MOAP1: variants seen among roughly 807,000 people sequenced by gnomAD.
MOAP1 encodes the protein modulator of apoptosis 1, also known as MAP1.
For synonymous variants in MOAP1, 150 were observed against 161.0 expected (o/e 0.93, Z 0.52); for missense variants, 385 against 418.6 (o/e 0.92, Z 0.70).
chr14:93,183,131 A>G lies in MOAP1; in HGVS notation c.*56T>C, dbSNP rs1477571363. 2.8e-5 allele frequency: 43 copies of G among 1,531,958 alleles called. No homozygotes were observed. Among genetic ancestry groups the G allele is most frequent in the Middle Eastern group, 4.5e-4 (2 of 4,420 alleles). The allele number at this position is 1,531,958 out of a possible 1,614,324, so 94.9% of individuals were successfully genotyped here. On this transcript the variant is annotated 3_prime_UTR_variant, in exon 3 of 3. Transcript: ENST00000298894. Reference sequence around the variant, plus strand: ...TTGTATGTGTCACAAGAGTATATAGACTGTTCTACCTTCATGCTCTACTCA... The same window carrying G: ...TTGTATGTGTCACAAGAGTATATAGGCTGTTCTACCTTCATGCTCTACTCA...
chr14:93,184,815 G>C lies in MOAP1; in HGVS notation c.-281C>G, dbSNP rs1893999402. 6.6e-6 allele frequency: 1 copy of C among 152,628 alleles called. No individual in the cohort carries two copies. The highest frequency in any genetic ancestry group is 2.4e-5 in the African/African-American group (1 of 41,468). 9.5% of individuals were successfully genotyped at this position (152,628 alleles called of 1,614,324 possible). On this transcript the variant is annotated 5_prime_UTR_variant, in exon 1 of 3. Coordinates refer to ENST00000298894, the MANE Select transcript of MOAP1 (RefSeq NM_022151.5). The surrounding 1 kb of genome is among the most constrained non-coding windows in gnomAD (Gnocchi z 4.2). ...AGACCCAGAGAGCCACCCACCTGGA[G>C]GGACGTGCCGCCACCCGCGCCGCCG... is the stretch of plus-strand genomic sequence containing the variant.
In MOAP1 at chr14:93,182,423, C is replaced by T. The variant is rs1318615366; in HGVS notation, c.*764G>A. The T allele has an allele frequency of 2.6e-5, 4 of 152,680 alleles. No homozygotes were observed. In the South Asian group the frequency reaches 8.3e-4, roughly 32 times the overall value. 9.5% of individuals were successfully genotyped at this position (152,680 alleles called of 1,614,324 possible). ...ATGGAAAATAACTTAATATCTTAAC[C>T]TCCGCTCAGGATCTTCATCATAAAT... On this transcript the variant is annotated 3_prime_UTR_variant, in exon 3 of 3. Coordinates refer to ENST00000298894, the MANE Select transcript of MOAP1 (RefSeq NM_022151.5).
Position 93,184,456 on chromosome 14 carries a change from C to T in MOAP1, c.-120-94G>A, listed in dbSNP as rs868248914. The T allele has an allele frequency of 5.4e-4, 89 of 164,286 alleles. No individual in the cohort carries two copies. In the Middle Eastern group the frequency reaches 0.024, roughly 45 times the overall value. 10.2% of individuals were successfully genotyped at this position (164,286 alleles called of 1,614,324 possible). A position where few individuals can be genotyped will look rare whatever the true frequency, so the allele number is the denominator to read the frequency against. ...CCGCGCGCCCTGCCCCCAGCGGCGA[C>T]GCCAGGGCAGCCGCACTGCGGCGCG... On this transcript the variant is annotated intron_variant, in intron 2 of 2. Coordinates refer to ENST00000298894, the MANE Select transcript of MOAP1 (RefSeq NM_022151.5). The surrounding 1 kb of genome is among the most constrained non-coding windows in gnomAD (Gnocchi z 4.2).
rs1798130853 is a variant in MOAP1, at chr14:93,184,137, C to T, written c.106G>A (p.Glu36Lys). 2.5e-6 allele frequency: 4 copies of T among 1,614,130 alleles called. No homozygotes were observed. The highest frequency in any genetic ancestry group is 3.4e-6 in the Non-Finnish European group (4 of 1,180,016). Reference protein sequence around the residue: ...ISQSCSVAEIEEALQAGLAPL... With the variant: ...ISQSCSVAEIKEALQAGLAPL... ...GCTAAACCAGCCTGCAGAGCCTCCT[C>T]GATTTCTGCCACACTGCAGCTCTGG... The change falls in exon 3 of 3, where the codon GAG becomes AAG. Residue 36 changes from glutamate (E) to lysine (K), a missense_variant. Transcript: ENST00000298894. The surrounding 1 kb of genome is among the most constrained non-coding windows in gnomAD (Gnocchi z 4.2).
chr14:93,182,786 T>A lies in MOAP1; in HGVS notation c.*401A>T, dbSNP rs1194097799. 1 of 172,548 alleles carries A rather than the reference T, an allele frequency of 5.8e-6. No individual in the cohort carries two copies. The highest frequency in any genetic ancestry group is 2.4e-5 in the African/African-American group (1 of 41,980). The allele number at this position is 172,548 out of a possible 1,614,324, so 10.7% of individuals were successfully genotyped here. On this transcript the variant is annotated 3_prime_UTR_variant, in exon 3 of 3. Coordinates refer to ENST00000298894, the MANE Select transcript of MOAP1 (RefSeq NM_022151.5). ...CTCTACTGATAATGCAAAACTTAGCTGGGCGTGGTGGCACATGCCTGTAGT... is the reference window on the plus strand; with the variant it reads ...CTCTACTGATAATGCAAAACTTAGCAGGGCGTGGTGGCACATGCCTGTAGT...
chr14:93,183,224 GCCT>G lies in MOAP1; in HGVS notation c.1016_1018del (p.Glu339del). ...ACCTTCCAATATTGCCTGGAGAAGG[GCCT>G]CCTCCTCCTCAGCTGCCTCATAATC... On this transcript the variant is annotated inframe_deletion, in exon 3 of 3. Coordinates refer to ENST00000298894, the MANE Select transcript of MOAP1 (RefSeq NM_022151.5). 1.2e-6 allele frequency: 2 copies of G among 1,611,156 alleles called. No individual in the cohort carries two copies. Among genetic ancestry groups the G allele is most frequent in the Non-Finnish European group, 1.7e-6 (2 of 1,178,604 alleles).
In MOAP1 at chr14:93,183,826, C is replaced by G. The variant is rs201204994; in HGVS notation, c.417G>C (p.Pro139=). ...GTGCCAACATAGGGGCCCACATTTC[C>G]GGGATCATGCCCTGCTCTGGGTCTA... ...GSLDPEQGMI[P]EMWAPMLAQA... The change falls in exon 3 of 3, where the codon CCG becomes CCC. Residue 139 remains proline (P), a synonymous_variant. Coordinates refer to ENST00000298894, the MANE Select transcript of MOAP1 (RefSeq NM_022151.5). 6.2e-7 allele frequency: 1 copy of G among 1,613,848 alleles called. No individual in the cohort carries two copies. Among genetic ancestry groups the G allele is most frequent in the African/African-American group, 1.3e-5 (1 of 74,906 alleles).
chr14:93,183,503 G>A lies in MOAP1; in HGVS notation c.740C>T (p.Pro247Leu). 1.9e-6 allele frequency: 3 copies of A among 1,614,092 alleles called. No homozygotes were observed. Among genetic ancestry groups the A allele is most frequent in the Non-Finnish European group, 2.5e-6 (3 of 1,180,016 alleles). ...LEEVFGVTDN[P>L]RELQVKYLTT... is the part of the protein sequence containing the mutation. ...TAGATATTTGACCTGCAACTCCCTAGGATTATCTGTAACCCCAAATACCTC... is the reference window on the plus strand; with the variant it reads ...TAGATATTTGACCTGCAACTCCCTAAGATTATCTGTAACCCCAAATACCTC... Residue 247 changes from proline (P) to leucine (L), a missense_variant, in exon 3 of 3, where the codon CCT becomes CTT. Pro to Leu is a moderately conservative substitution (Grantham distance 98). Coordinates refer to ENST00000298894, the MANE Select transcript of MOAP1 (RefSeq NM_022151.5).
Position 93,183,122 on chromosome 14 carries a change from A to G in MOAP1, c.*65T>C. On this transcript the variant is annotated 3_prime_UTR_variant, in exon 3 of 3. Coordinates refer to ENST00000298894, the MANE Select transcript of MOAP1 (RefSeq NM_022151.5). The stretch of plus-strand genomic sequence containing the variant: ...AGGTAGGGATTGTATGTGTCACAAG[A>G]GTATATAGACTGTTCTACCTTCATG... 6.6e-7 allele frequency: 1 copy of G among 1,514,284 alleles called. No homozygotes were observed. The highest frequency in any genetic ancestry group is 8.8e-7 in the Non-Finnish European group (1 of 1,133,724). The allele number at this position is 1,514,284 out of a possible 1,614,324, so 93.8% of individuals were successfully genotyped here.
At position 93,183,098 on chromosome 14, in the gene MOAP1, G is replaced by C; in HGVS notation, c.*89C>G. On this transcript the variant is annotated 3_prime_UTR_variant, in exon 3 of 3. Transcript: ENST00000298894. ...AAAAATGAGTTACTTGGCAGCACAA[G>C]GTAGGGATTGTATGTGTCACAAGAG... 2.0e-6 allele frequency: 3 copies of C among 1,486,714 alleles called. No individual in the cohort carries two copies. The highest frequency in any genetic ancestry group is 2.7e-6 in the Non-Finnish European group (3 of 1,119,322). The allele number at this position is 1,486,714 out of a possible 1,614,324, so 92.1% of individuals were successfully genotyped here.
Position 93,183,045 on chromosome 14 carries a change from GA to G in MOAP1, c.*141del. The G allele has an allele frequency of 8.1e-7, 1 of 1,242,160 alleles. No homozygotes were observed. Among genetic ancestry groups the G allele is most frequent in the Non-Finnish European group, 1.1e-6 (1 of 930,064 alleles). 76.9% of individuals were successfully genotyped at this position (1,242,160 alleles called of 1,614,324 possible). A position where few individuals can be genotyped will look rare whatever the true frequency, so the allele number is the denominator to read the frequency against. Reference sequence around the variant, plus strand: ...GGAGACTTTAAATAGGCACAGAAACGACAAAGGGCTTATACTGAGAATTGCA... The same window carrying G: ...GGAGACTTTAAATAGGCACAGAAACGCAAAGGGCTTATACTGAGAATTGCA... On this transcript the variant is annotated 3_prime_UTR_variant, in exon 3 of 3. Transcript: ENST00000298894.
rs534240299 is a variant in MOAP1, at chr14:93,183,988, T to G, written c.255A>C (p.Lys85Asn). 1.9e-6 allele frequency: 3 copies of G among 1,614,098 alleles called. No individual in the cohort carries two copies. Among genetic ancestry groups the G allele is most frequent in the Non-Finnish European group, 2.5e-6 (3 of 1,179,988 alleles). ...HALVPKEIPG[K>N]GGIWRVIFKP... The stretch of plus-strand genomic sequence containing the variant: ...TAAAGATCACTCTCCAGATACCCCC[T>G]TTTCCCGGTATCTCCTTAGGGACCA... Residue 85 changes from lysine (K) to asparagine (N), a missense_variant, in exon 3 of 3, where the codon AAA (lysine) becomes AAC (asparagine). By Grantham distance (94) the Lys-to-Asn change is moderately conservative. Transcript: ENST00000298894.
rs746526554 is a variant in MOAP1 at position 93,184,156 on chromosome 14, G to A, written c.87C>T (p.Ser29=). ...KALLIAGISQ[S]CSVAEIEEAL... is the part of the protein sequence containing the mutation. ...CCTCCTCGATTTCTGCCACACTGCAGCTCTGGGAGATGCCGGCAATCAATA... is the reference window on the plus strand; with the variant it reads ...CCTCCTCGATTTCTGCCACACTGCAACTCTGGGAGATGCCGGCAATCAATA... The change falls in exon 3 of 3, where the codon AGC becomes AGT. Residue 29 remains serine, a synonymous_variant. Coordinates refer to ENST00000298894, the MANE Select transcript of MOAP1 (RefSeq NM_022151.5). The surrounding 1 kb of genome is among the most constrained non-coding windows in gnomAD (Gnocchi z 4.2). 6.2e-6 allele frequency: 10 copies of A among 1,614,112 alleles called. No homozygotes were observed. In the South Asian group the frequency reaches 1.1e-4, roughly 18 times the overall value.
chr14:93,184,192 A>G lies in MOAP1; in HGVS notation c.51T>C (p.Pro17=), dbSNP rs965904717. The G allele has an allele frequency of 2.5e-6, 4 of 1,613,066 alleles. No homozygotes were observed. The highest frequency in any genetic ancestry group is 4.5e-5 in the East Asian group (2 of 44,888). Residue 17 remains proline, a synonymous_variant, in exon 3 of 3, where the codon CCT becomes CCC. Transcript: ENST00000298894. This position sits in a 1 kb window ranked among gnomAD's most constrained non-coding sequence, Gnocchi z 4.2. ...EDWCRGMDMN[P]RKALLIAGIS... ...TGCCGGCAATCAATAGCGCTTTCCGAGGGTTCATGTCCATCCCCCTGCACC... is the reference window on the plus strand; with the variant it reads ...TGCCGGCAATCAATAGCGCTTTCCGGGGGTTCATGTCCATCCCCCTGCACC...
Position 93,184,184 on chromosome 14 carries a change from G to C in MOAP1, c.59C>G (p.Ala20Gly). ...CTGGGAGATGCCGGCAATCAATAGC[G>C]CTTTCCGAGGGTTCATGTCCATCCC... ...CRGMDMNPRK[A>G]LLIAGISQSC... The change falls in exon 3 of 3, where the codon GCG (alanine) becomes GGG (glycine). Residue 20 changes from alanine to glycine, a missense_variant. Transcript: ENST00000298894. This position sits in a 1 kb window ranked among gnomAD's most constrained non-coding sequence, Gnocchi z 4.2. 1 of 1,613,446 alleles carries C rather than the reference G, an allele frequency of 6.2e-7. No homozygotes were observed. The highest frequency in any genetic ancestry group is 8.5e-7 in the Non-Finnish European group (1 of 1,179,674).
Position 93,182,698 on chromosome 14 carries a change from A to G in MOAP1, c.*489T>C, listed in dbSNP as rs1893954354. On this transcript the variant is annotated 3_prime_UTR_variant, in exon 3 of 3. Coordinates refer to ENST00000298894, the MANE Select transcript of MOAP1 (RefSeq NM_022151.5). The stretch of plus-strand genomic sequence containing the variant: ...TAATCCCAGCACTTTCAGAGGCCGA[A>G]GCAGGTGGATCACTTGAGGTCAGGA... 1.9e-5 allele frequency: 3 copies of G among 156,738 alleles called. No homozygotes were observed. In the South Asian group the frequency reaches 5.7e-4, roughly 30 times the overall value. 9.7% of individuals were successfully genotyped at this position (156,738 alleles called of 1,614,324 possible).
rs1290538095 is a variant in MOAP1 at position 93,183,964 on chromosome 14, A to C, written c.279T>G (p.Phe93Leu). Residue 93 changes from phenylalanine (F) to leucine (L), a missense_variant, in exon 3 of 3, where the codon TTT (phenylalanine) becomes TTG (leucine). Transcript: ENST00000298894. ...ATGTATTATCTGGGTCAGGGGGCTT[A>C]AAGATCACTCTCCAGATACCCCCTT... ...PGKGGIWRVI[F>L]KPPDPDNTFL... The C allele has an allele frequency of 6.2e-7, 1 of 1,614,186 alleles. No individual in the cohort carries two copies. Among genetic ancestry groups the C allele is most frequent in the Non-Finnish European group, 8.5e-7 (1 of 1,180,042 alleles).
rs1237781152 is a variant in MOAP1, at chr14:93,182,278, GT to G, written c.*908del. The stretch of plus-strand genomic sequence containing the variant: ...GTGAAAATGTTACTCAGAACTAGAT[GT>G]TTTGATGACACATAGCAGAAATCTG... On this transcript the variant is annotated 3_prime_UTR_variant, in exon 3 of 3. Transcript: ENST00000298894. 1 of 152,616 alleles carries G rather than the reference GT, an allele frequency of 6.6e-6. No homozygotes were observed. The highest frequency in any genetic ancestry group is 1.5e-5 in the Non-Finnish European group (1 of 68,036). The allele number at this position is 152,616 out of a possible 1,614,324, so 9.5% of individuals were successfully genotyped here.
rs911658408 is a variant in MOAP1, at chr14:93,182,928, TCAA to T, written c.*256_*258del. On this transcript the variant is annotated 3_prime_UTR_variant, in exon 3 of 3. Transcript: ENST00000298894. Reference sequence around the variant, plus strand: ...CTGGGTGACAGAGCGAGACTCTGTCTCAACAACAACAACAAAGATATTCACAAG... The same window carrying T: ...CTGGGTGACAGAGCGAGACTCTGTCTCAACAACAACAAAGATATTCACAAG... 52 of 473,838 alleles carry T rather than the reference TCAA, an allele frequency of 1.1e-4. No homozygotes were observed. Among genetic ancestry groups the T allele is most frequent in the African/African-American group, 2.8e-4 (14 of 50,844 alleles). 29.4% of individuals were successfully genotyped at this position (473,838 alleles called of 1,614,324 possible). A position where few individuals can be genotyped will look rare whatever the true frequency, so the allele number is the denominator to read the frequency against.
Sources: allele counts gnomAD v4.1 joint callset, GRCh38; gene constraint gnomAD v4.1.1; non-coding constraint Gnocchi (gnomAD v3.1); transcripts MANE v1.5; gene names NCBI Gene and HGNC (gene_info 2026-07-23, HGNC 2026-07-21).